The following GSS variants were observed in gnomAD, a reference collection of about 807,000 sequenced individuals.
The protein encoded by GSS is glutathione synthetase.
Under a neutral mutation model 60.4 loss-of-function variants are expected in GSS, and 34 were observed. That is an observed-to-expected ratio of 0.56 (90% CI 0.43 to 0.75). GSS has a LOEUF of 0.75. Among genes scored for constraint, GSS ranks in the 30% least tolerant of loss-of-function variants. The probability of loss-of-function intolerance (pLI) is 0.00; values close to 1 mark genes in which losing one functional copy is unlikely to be tolerated. For synonymous variants in GSS, 224 were observed against 239.0 expected, an observed-to-expected ratio of 0.94 and a Z score of 0.58; for missense variants, 499 against 595.1, an observed-to-expected ratio of 0.84 and a Z score of 1.68.
At position 34,945,989 on chromosome 20, in the gene GSS, C is replaced by G; in HGVS notation, c.239G>C (p.Ser80Thr). 1 of 1,614,174 alleles carries G rather than the reference C, an allele frequency of 6.2e-7. No individual in the cohort carries two copies. The highest frequency in any genetic ancestry group is 8.5e-7 in the Non-Finnish European group (1 of 1,180,002). The change falls in exon 3 of 13, where the codon AGC becomes ACC. Residue 80 changes from serine (S) to threonine (T), a missense_variant. Ser to Thr is a moderately conservative substitution (Grantham distance 58). Coordinates refer to ENST00000651619, the MANE Select transcript of GSS (RefSeq NM_000178.4). The stretch of plus-strand genomic sequence containing the variant: ...TTGCTCCAGGAAGGCAGCGTTCTGG[C>G]TGACAGCATCCACTAGCAGGTTGAA... ...MDFNLLVDAV[S>T]QNAAFLEQTL... is the part of the protein sequence containing the mutation.
chr20:34,951,953 A>T, intron 1 of GSS, 93 bp from the exon 2 acceptor site: 9 of 1,306,708 alleles, frequency 6.9e-6, no homozygotes, highest in Non-Finnish European at 9.8e-6. Context: ...ACACAGCAGG[A>T]CCCTGACCTC....
chr20:34,937,347 CA>C (rs1265519119), intron 6 of GSS, among the ~76,000 whole-genome samples: 2 of 152,182 alleles, frequency 1.3e-5, no homozygotes, highest in African/African-American at 2.4e-5. Context: ...AAAACCATCT[CA>C]AAAACCCAAG....
intron 6 of GSS, among the ~76,000 whole-genome samples, chr20:34,940,637 A>G (rs2081475176): frequency 6.6e-6 from 1 of 152,222 alleles, no homozygotes. Context: ...GCTTATTATG[A>G]GAATTCAATG....
intron 6 of GSS, among the ~76,000 whole-genome samples, 187 bp from the exon 7 acceptor site, chr20:34,937,210 A>G (rs1405921421): frequency 1.3e-5 from 2 of 152,174 alleles, no homozygotes; most frequent in African/African-American, 4.8e-5. Context: ...ATGCTATCAC[A>G]TATGATTTCC....
chr20:34,950,744 G>A (rs1303432566), intron 2 of GSS, among the ~76,000 whole-genome samples: 1 of 152,112 alleles, frequency 6.6e-6, no homozygotes, highest in Non-Finnish European at 1.5e-5. Context: ...ACTCCAGCCT[G>A]GGCAACAGAG....
intron 2 of GSS, among the ~76,000 whole-genome samples, chr20:34,946,361 A>C (rs1367376842): frequency 6.6e-6 from 1 of 152,252 alleles, no homozygotes; most frequent in African/African-American, 2.4e-5. Context: ...CAAGTTATTG[A>C]GCACTTACTA....
intron 2 of GSS, among the ~76,000 whole-genome samples, chr20:34,947,413 TAATACA>T (rs1483563640): frequency 1.1e-3 from 164 of 152,258 alleles, no homozygotes; most frequent in African/African-American, 3.8e-3. Context: ...TTTTAACAGG[TAATACA>T]AATACATGAT....
intron 9 of GSS, among the ~76,000 whole-genome samples, chr20:34,932,388 T>C (rs541574969): frequency 6.6e-6 from 1 of 152,234 alleles, no homozygotes; most frequent in Admixed American, 6.5e-5. Flanking sequence ...GGTAGAACAT[T>C]TGTCTACGTG....
rs766385217 is a variant in GSS, at chr20:34,946,091, C to T, written c.137G>A (p.Ser46Asn). 1 of 1,610,162 alleles carries T rather than the reference C, an allele frequency of 6.2e-7. No individual in the cohort carries two copies. The highest frequency in any genetic ancestry group is 1.1e-5 in the South Asian group (1 of 90,980). Residue 46 changes from serine to asparagine, a missense_variant, in exon 3 of 13, where the codon AGC becomes AAC. Transcript: ENST00000651619. ...SQEPTSSEVVSYAPFTLFPSL... is the reference protein window; with the variant it reads ...SQEPTSSEVVNYAPFTLFPSL... ...GGGGAAGAGCGTGAATGGGGCATAG[C>T]TCACCACCTGTGATCAAGAAGAGAG...
At chr20:34,946,153 C>T in intron 2 of GSS, 55 bp from the exon 3 acceptor site, 1 of 1,468,658 alleles carries the variant, frequency 6.8e-7, no homozygotes, top group Non-Finnish European at 9.4e-7. Flanking sequence ...AACGGGTTGT[C>T]TTCCTGCAAA....
At chr20:34,941,125 G>A (rs762371668) in intron 6 of GSS, among the ~76,000 whole-genome samples, 3 of 152,192 alleles carry the variant, frequency 2.0e-5, no homozygotes, top group African/African-American at 7.2e-5. Context: ...GGGAGGCCAA[G>A]GTGGGCGGAT....
rs754757268 is a variant in GSS at position 34,929,483 on chromosome 20, C to T, written c.1219G>A (p.Glu407Lys). The T allele has an allele frequency of 6.2e-7, 1 of 1,614,188 alleles. No individual in the cohort carries two copies. Among genetic ancestry groups the T allele is most frequent in the Non-Finnish European group, 8.5e-7 (1 of 1,180,006 alleles). The change falls in exon 12 of 13, where the codon GAG becomes AAG. Residue 407 changes from glutamate to lysine, a missense_variant. By Grantham distance (56) the Glu-to-Lys change is moderately conservative. Transcript: ENST00000651619. ...CTGCCAGGCCGTAGCAGGCAATTCT[C>T]AAAAGGCTCAGGTTCGATCTTCTCC... ...LMEKIEPEPFENCLLRPGSPA... is the reference protein window; with the variant it reads ...LMEKIEPEPFKNCLLRPGSPA...
rs776981384 is a variant in GSS, at chr20:34,937,035, G to C, written c.609-12C>G. ...GTAGCACCAGAGCACTGGGGAAAGA[G>C]CACAGGTGGCCCGAGGCTACTATAG... On this transcript the variant is annotated splice_polypyrimidine_tract_variant and intron_variant, in intron 6 of 12. Coordinates refer to ENST00000651619, the MANE Select transcript of GSS (RefSeq NM_000178.4). The C allele has an allele frequency of 6.2e-7, 1 of 1,602,814 alleles. No homozygotes were observed. Among genetic ancestry groups the C allele is most frequent in the Non-Finnish European group, 8.5e-7 (1 of 1,170,296 alleles).
intron 9 of GSS, 101 bp downstream of exon 9, chr20:34,935,475 G>A (rs2081433515): frequency 1.2e-6 from 1 of 814,868 alleles, no homozygotes; most frequent in Non-Finnish European, 2.2e-6. Context: ...GAAGTGAAGT[G>A]AGGACTCGGA....
At chr20:34,943,288 C>T (rs1285561450) in intron 3 of GSS, among the ~76,000 whole-genome samples, 2 of 152,094 alleles carry the variant, frequency 1.3e-5, no homozygotes, top group Non-Finnish European at 2.9e-5. Context: ...ATATTTATAT[C>T]ATAGAGTTGT....
intron 4 of GSS, 117 bp downstream of exon 4, chr20:34,942,814 A>C: frequency 1.1e-6 from 1 of 906,284 alleles, no homozygotes. Flanking sequence ...AGTGAGGACC[A>C]GTGAGAGGCA....
At chr20:34,939,690 G>A (rs1224982610) in intron 6 of GSS, among the ~76,000 whole-genome samples, 4 of 145,962 alleles carry the variant, frequency 2.7e-5, no homozygotes, top group Admixed American at 2.7e-4. Context: ...TTTTTTTTGA[G>A]ATGGAGTCTC....
chr20:34,940,655 G>C (rs1340120609), intron 6 of GSS, among the ~76,000 whole-genome samples: 1 of 152,194 alleles, frequency 6.6e-6, no homozygotes. Context: ...ATGAGATCCT[G>C]TATGTACAGA....
chr20:34,941,853 C>T (rs886990439), intron 5 of GSS, 24 bp from the exon 6 acceptor site: 29 of 1,330,622 alleles, frequency 2.2e-5, no homozygotes, highest in Non-Finnish European at 2.9e-5. Context: ...GATGGCTGTT[C>T]AGTAATTGGA....
Sources: allele counts gnomAD v4.1 joint callset (sites outside exome capture counted in the v4.1 genomes callset), GRCh38; gene constraint gnomAD v4.1.1; transcripts MANE v1.5; gene names NCBI Gene and HGNC (gene_info 2026-07-23, HGNC 2026-07-21).